VRK2: variants seen among roughly 807,000 people sequenced by gnomAD.
VRK2 encodes the protein VRK serine/threonine kinase 2.
VRK2 carries 60 observed loss-of-function variants against 57.6 expected under a neutral mutation model. The observed-to-expected ratio is 1.04, with a 90% CI of 0.85 to 1.29. The LOEUF (loss-of-function observed/expected upper bound fraction) is 1.29. Ranked by LOEUF, VRK2 falls within the 50% of genes most tolerant of loss-of-function variation. VRK2 has a pLI of 0.00. For missense variants in VRK2, 705 were observed against 588.1 expected (o/e 1.20, Z -2.06); for synonymous variants, 231 against 199.2 (o/e 1.16, Z -1.35).
At chr2:58,083,659 A>T (rs554213151) in intron 2 of VRK2, among the ~76,000 whole-genome samples, 57 of 151,948 alleles carry the variant, frequency 3.8e-4, no homozygotes, top group African/African-American at 1.3e-3. Flanking sequence ...TTTCTGAATC[A>T]TTATGAGTTC....
chr2:58,098,761 A>G (rs1381087209), intron 7 of VRK2, among the ~76,000 whole-genome samples: 1 of 152,136 alleles, frequency 6.6e-6, no homozygotes, highest in African/African-American at 2.4e-5. Flanking sequence ...TAAGCAATGC[A>G]TGACTATATT....
chr2:57,922,889 C>G (rs913021826), intron 1 of VRK2, among the ~76,000 whole-genome samples: 1 of 152,098 alleles, frequency 6.6e-6, no homozygotes, highest in African/African-American at 2.4e-5. Context: ...TTCCCAGCTT[C>G]TAGTAACCGT....
chr2:58,065,735 A>G (rs1668512937), intron 2 of VRK2, among the ~76,000 whole-genome samples: 1 of 152,156 alleles, frequency 6.6e-6, no homozygotes, highest in Non-Finnish European at 1.5e-5. Flanking sequence ...CCAAACCATA[A>G]GTACAGCATG....
chr2:58,016,408 G>A (rs149857679), intron 1 of VRK2, among the ~76,000 whole-genome samples: 119 of 152,168 alleles, frequency 7.8e-4, no homozygotes, highest in African/African-American at 1.9e-3. Context: ...ATGCAGTGGC[G>A]CAATCTTGGC....
At chr2:58,089,752 G>GTATTTTTATTTATGTATGTCTTTATGTAT in intron 7 of VRK2, 29 bp downstream of exon 7, 1 of 1,476,140 alleles carries the variant, frequency 6.8e-7, no homozygotes. Flanking sequence ...TTTTAATAAA[G>GTATTTTTATTTATGTATGTCTTTATGTAT]GTCTTTAATG....
chr2:57,998,087 A>G (rs1672981222), intron 1 of VRK2, among the ~76,000 whole-genome samples: 2 of 152,202 alleles, frequency 1.3e-5, no homozygotes, highest in Non-Finnish European at 2.9e-5. Context: ...TTAAAAAAGA[A>G]TTAGGGAAGT....
intron 2 of VRK2, among the ~76,000 whole-genome samples, chr2:58,081,857 CGTGTGTGT>C (rs369430200): frequency 0.039 from 5,487 of 142,166 alleles, 325 homozygotes; most frequent in African/African-American, 0.13. Flanking sequence ...ATACCATGTC[CGTGTGTGT>C]GTGTGTGTGT....
chr2:57,960,957 A>G (rs905926165), intron 1 of VRK2, among the ~76,000 whole-genome samples: 2 of 152,206 alleles, frequency 1.3e-5, no homozygotes, highest in African/African-American at 4.8e-5. Flanking sequence ...GGTAGCATGC[A>G]TTTATTCAAC....
chr2:58,114,222 G>A (rs1489817693), intron 7 of VRK2, among the ~76,000 whole-genome samples: 1 of 152,198 alleles, frequency 6.6e-6, no homozygotes, highest in East Asian at 1.9e-4. Context: ...GAGTGCCTAA[G>A]GAGATTCACC....
chr2:57,952,728 T>C (rs1436816782), intron 1 of VRK2, among the ~76,000 whole-genome samples: 1 of 148,676 alleles, frequency 6.7e-6, no homozygotes, highest in Non-Finnish European at 1.5e-5. Context: ...TTATCTTTAC[T>C]ACAGATGAGG....
intron 1 of VRK2, among the ~76,000 whole-genome samples, chr2:57,971,717 G>T (rs1199513920): frequency 6.6e-6 from 1 of 151,380 alleles, no homozygotes; most frequent in Non-Finnish European, 1.5e-5. Context: ...TTCATTTAGG[G>T]TTGAAAATTT....
rs374837828 is a variant in VRK2 at position 58,084,858 on chromosome 2, A to C, written c.187-23A>C. On this transcript the variant is annotated intron_variant, in intron 3 of 12. Transcript: ENST00000340157. The stretch of plus-strand genomic sequence containing the variant: ...TTTGGGATTATTTTTTTCTAGTAAA[A>C]TTAATTATTCTTTTTTTTATAGGAA... 9.8e-6 allele frequency: 14 copies of C among 1,434,250 alleles called. No homozygotes were observed. In the African/African-American group the frequency reaches 2.0e-4, roughly 21 times the overall value. The allele number at this position is 1,434,250 out of a possible 1,614,324, so 88.8% of individuals were successfully genotyped here.
chr2:57,975,008 G>C (rs1265956556), intron 1 of VRK2, among the ~76,000 whole-genome samples: 1 of 151,558 alleles, frequency 6.6e-6, no homozygotes, highest in Non-Finnish European at 1.5e-5. Context: ...TAAGTTTTAA[G>C]ATATGTTAAA....
At chr2:57,932,965 T>C (rs1047436204) in intron 1 of VRK2, among the ~76,000 whole-genome samples, 4 of 152,202 alleles carry the variant, frequency 2.6e-5, no homozygotes, top group Non-Finnish European at 5.9e-5. Context: ...TTAATTTCCA[T>C]ATATTGTGAA....
rs1469488022 is a variant in VRK2 at position 58,020,356 on chromosome 2, C to T, written c.-438-5309C>T. On this transcript the variant is annotated intron_variant, in intron 1 of 15. Coordinates refer to the VRK2 transcript ENST00000417641. ...ACCTAACTCTGACTACAGGTGTGTACCACCATGTCTGGCTAATTTTTTAAT... is the reference window on the plus strand; with the variant it reads ...ACCTAACTCTGACTACAGGTGTGTATCACCATGTCTGGCTAATTTTTTAAT... Among the ~76,000 whole-genome samples the T allele has an allele frequency of 2.0e-5, 3 of 152,112 alleles. No homozygotes were observed. The East Asian group carries it at 5.8e-4, about 29-fold the overall frequency.
rs575939280 is a variant in VRK2 at position 58,065,660 on chromosome 2, T to C, written c.136+16693T>C. On this transcript the variant is annotated intron_variant, in intron 2 of 12. Coordinates refer to ENST00000340157, the MANE Select transcript of VRK2 (RefSeq NM_006296.7). ...ACAACAAAAATTGCTGGGATTTTAATTGATATTGAGCTAAATCTATTGATA... is the reference window on the plus strand; with the variant it reads ...ACAACAAAAATTGCTGGGATTTTAACTGATATTGAGCTAAATCTATTGATA... Among the ~76,000 whole-genome samples, 3 of 152,282 alleles carry C rather than the reference T, an allele frequency of 2.0e-5. No individual in the cohort carries two copies. The East Asian group carries it at 5.8e-4, about 29-fold the overall frequency.
At chr2:57,951,809 T>C (rs527358978) in intron 1 of VRK2, among the ~76,000 whole-genome samples, 12 of 152,168 alleles carry the variant, frequency 7.9e-5, no homozygotes, top group African/African-American at 2.9e-4. Context: ...AGTGGGGCAA[T>C]CATAGCTCAT....
Position 57,938,911 on chromosome 2 carries a change from G to C in VRK2, c.-439+31072G>C, listed in dbSNP as rs186856405. 1.8e-4 allele frequency among the ~76,000 whole-genome samples: 27 copies of C among 152,184 alleles called. 1 individual carries two copies. Among genetic ancestry groups the C allele is most frequent in the East Asian group, 5.8e-4 (3 of 5,184 alleles). ...TCTTTTGGAAAATGCTCCATGGTTAGTCTAACTTTACTCACTAATAACAAT... is the reference window on the plus strand; with the variant it reads ...TCTTTTGGAAAATGCTCCATGGTTACTCTAACTTTACTCACTAATAACAAT... On this transcript the variant is annotated intron_variant, in intron 1 of 15. Coordinates refer to the VRK2 transcript ENST00000417641.
intron 1 of VRK2, among the ~76,000 whole-genome samples, chr2:57,952,888 C>G (rs1195047291): frequency 6.6e-6 from 1 of 152,158 alleles, no homozygotes; most frequent in Admixed American, 6.5e-5. Context: ...GTGCCACCCT[C>G]ACTTTTTCTG....
Sources: allele counts gnomAD v4.1 joint callset (sites outside exome capture counted in the v4.1 genomes callset), GRCh38; gene constraint gnomAD v4.1.1; transcripts MANE v1.5; gene names NCBI Gene and HGNC (gene_info 2026-07-23, HGNC 2026-07-21).